The following PDE11A variants were observed in gnomAD, a reference collection of about 807,000 sequenced individuals.
The protein encoded by PDE11A is phosphodiesterase 11A.
Under a neutral mutation model 100.5 loss-of-function variants are expected in PDE11A, and 100 were observed. The ratio of observed to expected loss-of-function variants is 1.00; its 90% CI spans 0.85 to 1.18. The LOEUF (loss-of-function observed/expected upper bound fraction) is 1.18, where lower values mean the gene tolerates loss of function less well. Among genes scored for constraint, PDE11A ranks in the 50% most tolerant of loss-of-function variants. PDE11A has a pLI of 0.00. For synonymous variants in PDE11A, 381 were observed against 420.8 expected, an observed-to-expected ratio of 0.91 and a Z score of 1.16; for missense variants, 1,141 against 1,152.6, an observed-to-expected ratio of 0.99 and a Z score of 0.15.
intron 6 of PDE11A, among the ~76,000 whole-genome samples, chr2:177,830,975 C>G (rs144459441): frequency 6.6e-6 from 1 of 152,140 alleles, no homozygotes; most frequent in African/African-American, 2.4e-5. Context: ...AGCTCTGTGA[C>G]ATATAATCTT....
intron 9 of PDE11A, among the ~76,000 whole-genome samples, chr2:177,773,028 CT>C (rs770505353): frequency 1.3e-5 from 2 of 151,818 alleles, no homozygotes; most frequent in Non-Finnish European, 1.5e-5. Flanking sequence ...CATATTATTT[CT>C]TTCTTTTTTT....
intron 1 of PDE11A, among the ~76,000 whole-genome samples, chr2:178,040,002 G>A (rs1194468130): frequency 1.3e-5 from 2 of 151,296 alleles, no homozygotes; most frequent in Non-Finnish European, 2.9e-5. Context: ...GAAGGTGGTG[G>A]TGACAAGAGG....
intron 19 of PDE11A, among the ~76,000 whole-genome samples, chr2:177,651,468 C>T (rs1443829357): frequency 6.6e-6 from 1 of 152,202 alleles, no homozygotes; most frequent in African/African-American, 2.4e-5. Flanking sequence ...CAGAGTGAAG[C>T]TGCTTTCAGC....
At chr2:177,890,285 C>A (rs2084509052) in intron 4 of PDE11A, among the ~76,000 whole-genome samples, 1 of 152,180 alleles carries the variant, frequency 6.6e-6, no homozygotes, top group Non-Finnish European at 1.5e-5. Context: ...GATGACTTGT[C>A]TGCAACTTTC....
At chr2:177,691,913 T>C (rs1267270456) in intron 15 of PDE11A, among the ~76,000 whole-genome samples, 1 of 152,226 alleles carries the variant, frequency 6.6e-6, no homozygotes, top group Non-Finnish European at 1.5e-5. Context: ...TATGTTAATG[T>C]AAATTCTTGG....
chr2:177,813,343 A>C (rs186766214), intron 9 of PDE11A, among the ~76,000 whole-genome samples: 39 of 152,308 alleles, frequency 2.6e-4, no homozygotes, highest in Admixed American at 1.0e-3. Context: ...TCTTTCTCCC[A>C]GGTAAGACAA....
Position 178,027,500 on chromosome 2 carries a change from C to T in PDE11A, c.913-13040G>A, listed in dbSNP as rs138284234. On this transcript the variant is annotated intron_variant, in intron 1 of 19. Coordinates refer to ENST00000286063, the MANE Select transcript of PDE11A (RefSeq NM_016953.4). ...AAATAGATAGGCAACATACACCAGC[C>T]GTCAAGCTGGAGGTGGGTCGATATT... Among the ~76,000 whole-genome samples the T allele has an allele frequency of 2.5e-3, 385 of 152,264 alleles. 3 individuals carry two copies. Among genetic ancestry groups the T allele is most frequent in the Non-Finnish European group, 3.0e-3 (201 of 68,020 alleles).
intron 1 of PDE11A, among the ~76,000 whole-genome samples, chr2:178,023,439 T>C (rs921452494): frequency 1.3e-5 from 2 of 152,196 alleles, no homozygotes; most frequent in Non-Finnish European, 2.9e-5. Context: ...GAGAATCTTA[T>C]CCAGGTCCCA....
At chr2:177,953,537 A>T (rs142442121) in intron 2 of PDE11A, among the ~76,000 whole-genome samples, 52 of 152,340 alleles carry the variant, frequency 3.4e-4, no homozygotes, top group African/African-American at 1.2e-3. Context: ...CTGAGAAAGC[A>T]TTATGACTAA....
chr2:177,838,951 C>A (rs3770053), intron 6 of PDE11A, among the ~76,000 whole-genome samples: 1,722 of 152,232 alleles, frequency 0.011, 25 homozygotes, highest in East Asian at 0.075. Context: ...AAGGGAGCAG[C>A]TGGAAAGGCA....
chr2:177,933,888 C>T (rs145123378), intron 2 of PDE11A, among the ~76,000 whole-genome samples: 99 of 152,220 alleles, frequency 6.5e-4, no homozygotes, highest in African/African-American at 2.3e-3. Context: ...TGAAAGGACT[C>T]GTTGTTCAAT....
intron 2 of PDE11A, among the ~76,000 whole-genome samples, chr2:178,009,960 G>A (rs2086257427): frequency 6.6e-6 from 1 of 152,326 alleles, no homozygotes; most frequent in African/African-American, 2.4e-5. Context: ...TCATGTGAAT[G>A]ATGACATGGC....
intron 2 of PDE11A, among the ~76,000 whole-genome samples, chr2:178,013,411 T>G (rs1410292170): frequency 6.6e-6 from 1 of 152,230 alleles, no homozygotes; most frequent in Admixed American, 6.5e-5. Flanking sequence ...AATCAAGGAC[T>G]GTCTTCACTT....
chr2:178,032,030 T>C (rs1457862115), intron 1 of PDE11A, among the ~76,000 whole-genome samples: 3 of 152,070 alleles, frequency 2.0e-5, no homozygotes, highest in African/African-American at 7.2e-5. Context: ...CCCATGCACA[T>C]ATAGAAAATG....
intron 5 of PDE11A, among the ~76,000 whole-genome samples, chr2:177,852,227 A>G (rs1178716184): frequency 6.6e-6 from 1 of 152,220 alleles, no homozygotes; most frequent in Non-Finnish European, 1.5e-5. Flanking sequence ...AAGTTTCAAC[A>G]TAAGCACAAT....
At chr2:178,103,880 T>C (rs965091159) in intron 2 of PDE11A, among the ~76,000 whole-genome samples, 6 of 152,150 alleles carry the variant, frequency 3.9e-5, no homozygotes, top group African/African-American at 1.4e-4. Context: ...CCTAAGATAC[T>C]GTCTCACTTT....
chr2:177,726,245 T>C (rs1001913009), intron 12 of PDE11A, among the ~76,000 whole-genome samples: 1 of 152,104 alleles, frequency 6.6e-6, no homozygotes, highest in Non-Finnish European at 1.5e-5. Context: ...TATTAAGCAG[T>C]TGAGGACCCA....
At chr2:177,987,769 T>A (rs769963317) in intron 2 of PDE11A, among the ~76,000 whole-genome samples, 1 of 152,240 alleles carries the variant, frequency 6.6e-6, no homozygotes, top group Non-Finnish European at 1.5e-5. Flanking sequence ...TTAATTTTTA[T>A]CATTTATTAT....
At chr2:178,046,104 A>C (rs1291510206) in intron 1 of PDE11A, among the ~76,000 whole-genome samples, 1 of 152,218 alleles carries the variant, frequency 6.6e-6, no homozygotes, top group African/African-American at 2.4e-5. Flanking sequence ...AACGGTGTCT[A>C]TCTCATAGAA....
Sources: allele counts gnomAD v4.1 joint callset (sites outside exome capture counted in the v4.1 genomes callset), GRCh38; gene constraint gnomAD v4.1.1; transcripts MANE v1.5; gene names NCBI Gene and HGNC (gene_info 2026-07-23, HGNC 2026-07-21).